Variants in CSMD1 observed in about 807,000 individuals in gnomAD.
CSMD1 encodes CUB and sushi domain-containing protein 1.
In CSMD1, 213 loss-of-function variants were observed where a neutral mutation model predicts 417.5. That is an observed-to-expected ratio of 0.51 (90% confidence interval 0.46 to 0.57). The LOEUF (loss-of-function observed/expected upper bound fraction) is 0.57, where lower values mean the gene tolerates loss of function less well. CSMD1 is among the 20% of genes least tolerant of loss of function. The pLI, the probability that CSMD1 is intolerant of heterozygous loss-of-function variation, is 0.00. For missense variants in CSMD1, 6,923 were observed against 4,529.7 expected, an observed-to-expected ratio of 1.53 and a Z score of -15.17; for synonymous variants, 2,862 against 1,736.8, an observed-to-expected ratio of 1.65 and a Z score of -16.11.
chr8:4,340,005 C>G (rs1407586795), intron 3 of CSMD1, among the ~76,000 whole-genome samples: 1 of 152,100 alleles, frequency 6.6e-6, no homozygotes, highest in African/African-American at 2.4e-5. Flanking sequence ...GCCTGGACAA[C>G]AGAACCAGGC....
intron 51 of CSMD1, among the ~76,000 whole-genome samples, chr8:3,028,393 G>T (rs1810104205): frequency 6.6e-6 from 1 of 152,094 alleles, no homozygotes; most frequent in Non-Finnish European, 1.5e-5. Context: ...CAGTGACCAG[G>T]TCATTACCCA....
intron 1 of CSMD1, among the ~76,000 whole-genome samples, chr8:4,752,927 A>G (rs1262621265): frequency 6.6e-6 from 1 of 152,218 alleles, no homozygotes; most frequent in East Asian, 1.9e-4. Context: ...AGGGCTTCCC[A>G]GTGGCGTGAT....
chr8:3,387,900 G>A (rs552414001), intron 17 of CSMD1, among the ~76,000 whole-genome samples: 13 of 152,258 alleles, frequency 8.5e-5, no homozygotes, highest in Admixed American at 1.3e-4. Flanking sequence ...CTGTTTACCA[G>A]ATATTATCTA....
intron 3 of CSMD1, among the ~76,000 whole-genome samples, chr8:4,392,964 G>A (rs983012389): frequency 6.6e-6 from 1 of 151,914 alleles, no homozygotes; most frequent in Non-Finnish European, 1.5e-5. Context: ...GTGGGACACT[G>A]TGTCAAAAAT....
At chr8:4,568,343 C>T (rs1798717945) in intron 2 of CSMD1, among the ~76,000 whole-genome samples, 1 of 152,134 alleles carries the variant, frequency 6.6e-6, no homozygotes, top group South Asian at 2.1e-4. Context: ...TCTCATTGTT[C>T]CATTCCCACT....
chr8:4,135,361 A>T (rs1803360876), intron 3 of CSMD1, among the ~76,000 whole-genome samples: 1 of 48,500 alleles, frequency 2.1e-5, no homozygotes, highest in Non-Finnish European at 3.8e-5. Context: ...GAAAGGAGGG[A>T]AGGAAGGGGA....
intron 4 of CSMD1, among the ~76,000 whole-genome samples, chr8:4,014,380 T>C (rs773038867): frequency 5.9e-5 from 9 of 152,164 alleles, no homozygotes; most frequent in African/African-American, 1.2e-4. Context: ...ATTATGTCAA[T>C]GCACATAGAA....
intron 42 of CSMD1, among the ~76,000 whole-genome samples, chr8:3,115,376 A>AT (rs1238134849): frequency 2.0e-5 from 3 of 151,866 alleles, no homozygotes; most frequent in African/African-American, 7.3e-5. Context: ...TAAGTTTTGT[A>AT]TTTTTAGTAG....
chr8:4,804,133 T>A (rs1798456383), intron 1 of CSMD1, among the ~76,000 whole-genome samples: 1 of 152,128 alleles, frequency 6.6e-6, no homozygotes, highest in South Asian at 2.1e-4. Context: ...AACTATTTCC[T>A]TTATACATCA....
chr8:3,909,789 T>A (rs903032435), intron 5 of CSMD1, among the ~76,000 whole-genome samples: 1 of 152,110 alleles, frequency 6.6e-6, no homozygotes, highest in African/African-American at 2.4e-5. Flanking sequence ...TTGAAAAGTG[T>A]TTAATAATTC....
chr8:3,640,182 G>T (rs146111532), intron 7 of CSMD1, among the ~76,000 whole-genome samples: 9 of 152,306 alleles, frequency 5.9e-5, no homozygotes, highest in African/African-American at 2.2e-4. Flanking sequence ...TGAAGCTGGT[G>T]CAGGGATATT....
At position 3,485,762 on chromosome 8, in the gene CSMD1, A is replaced by AAAAATAAAATAAAAT. The variant is rs66605905; in HGVS notation, c.1448+7846_1448+7860dup. 5.4e-3 allele frequency among the ~76,000 whole-genome samples: 601 copies of AAAAATAAAATAAAAT among 110,836 alleles called. 5 individuals are homozygous for AAAAATAAAATAAAAT. The highest frequency in any genetic ancestry group is 8.3e-3 in the African/African-American group (232 of 27,790). The allele number at this position is 110,836 out of a possible 152,430, so 72.7% of individuals were successfully genotyped here. A position where few individuals can be genotyped will look rare whatever the true frequency, so the allele number is the denominator to read the frequency against. On this transcript the variant is annotated intron_variant, in intron 11 of 69. Transcript: ENST00000635120. ...GTGACAGAGCGAGACTCAGCCTCAAAAAAATAAAATAAAATAAAATAAAAT... is the reference window on the plus strand; with the variant it reads ...GTGACAGAGCGAGACTCAGCCTCAAAAAAATAAAATAAAATAAAATAAAATAAAATAAAATAAAAT...
chr8:2,958,540 T>C (rs937308567), intron 62 of CSMD1, among the ~76,000 whole-genome samples: 2 of 152,212 alleles, frequency 1.3e-5, no homozygotes, highest in African/African-American at 2.4e-5. Context: ...CTGTGATCTG[T>C]AAATGTCTTT....
intron 1 of CSMD1, among the ~76,000 whole-genome samples, chr8:4,751,992 G>A (rs1408116436): frequency 7.2e-5 from 11 of 152,208 alleles, no homozygotes; most frequent in East Asian, 3.9e-4. Context: ...GTATATATGC[G>A]TGTATACACA....
intron 30 of CSMD1, among the ~76,000 whole-genome samples, chr8:3,209,435 G>A (rs2116783004): frequency 6.6e-6 from 1 of 152,078 alleles, no homozygotes; most frequent in African/African-American, 2.4e-5. Flanking sequence ...TCCTGCCTCA[G>A]CCTCCCGAGT....
chr8:3,977,388 G>A (rs759866575), intron 5 of CSMD1, among the ~76,000 whole-genome samples: 2 of 152,144 alleles, frequency 1.3e-5, no homozygotes, highest in Admixed American at 6.5e-5. Flanking sequence ...GCTGAAAAGA[G>A]AAATTTCTAA....
intron 8 of CSMD1, among the ~76,000 whole-genome samples, chr8:3,594,678 C>T (rs964733479): frequency 1.3e-5 from 2 of 152,174 alleles, no homozygotes; most frequent in African/African-American, 4.8e-5. Context: ...ACTTCTGAGG[C>T]ATATAACTTA....
intron 6 of CSMD1, among the ~76,000 whole-genome samples, chr8:3,747,504 TTC>T (rs1797119103): frequency 6.6e-6 from 1 of 152,004 alleles, no homozygotes; most frequent in Non-Finnish European, 1.5e-5. Flanking sequence ...TTTGTTTTTT[TTC>T]CTTTCATGAA....
intron 1 of CSMD1, among the ~76,000 whole-genome samples, chr8:4,914,842 C>T (rs1303415115): frequency 1.3e-5 from 2 of 152,162 alleles, no homozygotes; most frequent in African/African-American, 4.8e-5. Flanking sequence ...CAGGGAGTTT[C>T]ACCTACTGCT....
Sources: gnomAD v4.1 joint callset for allele counts (sites outside exome capture counted in the v4.1 genomes callset) on GRCh38, gnomAD v4.1.1 for gene constraint, MANE v1.5 for transcripts, NCBI Gene and HGNC (gene_info 2026-07-23, HGNC 2026-07-21) for gene names.